ITPRID1: variants seen among roughly 807,000 people sequenced by gnomAD.
ITPRID1 encodes protein ITPRID1.
In ITPRID1, 96 loss-of-function variants were observed where a neutral mutation model predicts 95.4. The observed-to-expected ratio is 1.01, with a 90% CI of 0.85 to 1.19. ITPRID1 has a LOEUF of 1.19. ITPRID1 is among the 50% of genes most tolerant of loss of function. The pLI, the probability that ITPRID1 is intolerant of heterozygous loss-of-function variation, is 0.00. For missense variants in ITPRID1, 1,339 were observed against 1,252.9 expected (o/e 1.07, Z -1.04); for synonymous variants, 510 against 453.6 (o/e 1.12, Z -1.58).
At chr7:31,599,997 C>G (rs1327703762) in intron 10 of ITPRID1, among the ~76,000 whole-genome samples, 3 of 152,048 alleles carry the variant, frequency 2.0e-5, no homozygotes, top group Non-Finnish European at 4.4e-5. Flanking sequence ...CGCACCCAGC[C>G]AGTTATTTTC....
At chr7:31,581,739 A>G (rs973364108) in intron 9 of ITPRID1, among the ~76,000 whole-genome samples, 1 of 152,144 alleles carries the variant, frequency 6.6e-6, no homozygotes, top group Non-Finnish European at 1.5e-5. Context: ...TCAAAAGACA[A>G]ACATGTGCTT....
At chr7:31,648,390 T>A (rs771973395) in intron 12 of ITPRID1, among the ~76,000 whole-genome samples, 73 of 152,184 alleles carry the variant, frequency 4.8e-4, no homozygotes, top group Non-Finnish European at 9.7e-4. Context: ...GGTTTTTATT[T>A]ATTTTTTTTC....
chr7:31,605,828 A>G (rs932540908), intron 10 of ITPRID1, among the ~76,000 whole-genome samples: 3 of 152,210 alleles, frequency 2.0e-5, no homozygotes, highest in Non-Finnish European at 2.9e-5. Context: ...AAAGTGGCTC[A>G]GTGCCAGAGC....
chr7:31,534,930 A>G (rs1354335238), intron 1 of ITPRID1, among the ~76,000 whole-genome samples: 1 of 151,890 alleles, frequency 6.6e-6, no homozygotes, highest in African/African-American at 2.4e-5. Context: ...TGATTCTTTT[A>G]AATTTATTTT....
intron 5 of ITPRID1, among the ~76,000 whole-genome samples, chr7:31,565,429 A>G (rs1784764417): frequency 6.6e-6 from 1 of 152,152 alleles, no homozygotes; most frequent in Admixed American, 6.6e-5. Flanking sequence ...ATCATTTGAA[A>G]CAAGATCAAG....
intron 5 of ITPRID1, among the ~76,000 whole-genome samples, chr7:31,558,474 T>A (rs1305480570): frequency 1.3e-5 from 2 of 152,142 alleles, no homozygotes; most frequent in Non-Finnish European, 2.9e-5. Flanking sequence ...GGTGCAATAC[T>A]AACTTTTTTT....
At chr7:31,593,786 A>G (rs1785962809) in intron 10 of ITPRID1, among the ~76,000 whole-genome samples, 1 of 152,214 alleles carries the variant, frequency 6.6e-6, no homozygotes, top group African/African-American at 2.4e-5. Flanking sequence ...AATAACAACT[A>G]GAGACAGCCT....
chr7:31,612,288 A>C (rs548746092), intron 10 of ITPRID1, among the ~76,000 whole-genome samples: 2 of 152,206 alleles, frequency 1.3e-5, no homozygotes, highest in East Asian at 3.9e-4. Context: ...ATATATAATA[A>C]CTAATTTTTT....
intron 10 of ITPRID1, among the ~76,000 whole-genome samples, chr7:31,614,731 G>A (rs1233289488): frequency 1.3e-5 from 2 of 152,122 alleles, no homozygotes. Flanking sequence ...CTGCATTATA[G>A]TGGGTGGCCA....
chr7:31,564,472 C>T (rs1784727916), intron 5 of ITPRID1, among the ~76,000 whole-genome samples: 2 of 152,048 alleles, frequency 1.3e-5, no homozygotes, highest in Admixed American at 1.3e-4. Context: ...AAAAACCTAA[C>T]CAGGGTATCC....
chr7:31,535,974 G>A (rs1420450568), intron 1 of ITPRID1, among the ~76,000 whole-genome samples: 8 of 151,976 alleles, frequency 5.3e-5, no homozygotes, highest in Admixed American at 2.0e-4. Flanking sequence ...TAGTGTTCTT[G>A]CTTGGGATTT....
At chr7:31,647,060 C>A (rs1181874354) in intron 12 of ITPRID1, among the ~76,000 whole-genome samples, 1 of 152,242 alleles carries the variant, frequency 6.6e-6, no homozygotes, top group Non-Finnish European at 1.5e-5. Context: ...ATTTATACTC[C>A]TATGCAGGCA....
At chr7:31,574,292 G>A (rs752867778) in intron 7 of ITPRID1, among the ~76,000 whole-genome samples, 9 of 151,958 alleles carry the variant, frequency 5.9e-5, no homozygotes, top group Non-Finnish European at 1.2e-4. Context: ...CCATGTGCCT[G>A]TTGTGGAATG....
chr7:31,554,245 T>C (rs1784375868), intron 3 of ITPRID1, among the ~76,000 whole-genome samples: 1 of 151,692 alleles, frequency 6.6e-6, no homozygotes, highest in African/African-American at 2.4e-5. Flanking sequence ...ATTTTCTTTC[T>C]TTTTTTTTAA....
At chr7:31,519,620 C>CTA (rs750544823) in intron 1 of ITPRID1, among the ~76,000 whole-genome samples, 905 of 25,212 alleles carry the variant, frequency 0.036, 90 homozygotes, top group Non-Finnish European at 0.049. Flanking sequence ...CTCTCTCTCT[C>CTA]TATATATATA....
chr7:31,554,493 G>A lies in ITPRID1; in HGVS notation c.182G>A (p.Ser61Asn), dbSNP rs775654781. Residue 61 changes from serine to asparagine, a missense_variant, in exon 4 of 15, where the codon AGT becomes AAT. Ser to Asn is a conservative substitution (Grantham distance 46). Transcript: ENST00000615280. Reference protein sequence around the residue: ...IPMLEDSKQESIQQWLDSGFF... With the variant: ...IPMLEDSKQENIQQWLDSGFF... ...CTTGTAGAAGATTCCAAGCAAGAAA[G>A]TATTCAGCAGTGGCTGGACTCTGGA... The A allele has an allele frequency of 6.2e-7, 1 of 1,612,938 alleles. No homozygotes were observed. Among genetic ancestry groups the A allele is most frequent in the South Asian group, 1.1e-5 (1 of 90,928 alleles).
At chr7:31,577,773 T>A (rs776963826) in intron 8 of ITPRID1, 90 bp from the exon 9 acceptor site, 35 of 1,096,996 alleles carry the variant, frequency 3.2e-5, no homozygotes, top group Non-Finnish European at 4.5e-5. Flanking sequence ...GAAAATTTCA[T>A]GTTAACGGAC....
At chr7:31,640,549 C>T (rs532025181) in intron 10 of ITPRID1, among the ~76,000 whole-genome samples, 72 of 152,302 alleles carry the variant, frequency 4.7e-4, no homozygotes, top group African/African-American at 1.0e-3. Flanking sequence ...TCTCTCAAAG[C>T]GCTAAGCTGG....
chr7:31,602,664 G>C (rs1435975058), intron 10 of ITPRID1, among the ~76,000 whole-genome samples: 1 of 152,118 alleles, frequency 6.6e-6, no homozygotes, highest in Non-Finnish European at 1.5e-5. Context: ...CGCCATCGGG[G>C]TGAGTGGAAG....
Sources: gnomAD v4.1 joint callset for allele counts (sites outside exome capture counted in the v4.1 genomes callset) on GRCh38, gnomAD v4.1.1 for gene constraint, MANE v1.5 for transcripts, NCBI Gene and HGNC (gene_info 2026-07-23, HGNC 2026-07-21) for gene names.